Variants in P4HA3 observed in about 807,000 individuals in gnomAD.
P4HA3 encodes the protein prolyl 4-hydroxylase subunit alpha 3.
In P4HA3, 60 loss-of-function variants were observed where a neutral mutation model predicts 66.7. The ratio of observed to expected loss-of-function variants is 0.90; its 90% CI spans 0.73 to 1.12. P4HA3 has a LOEUF of 1.12. Among genes scored for constraint, P4HA3 ranks in the 50% most tolerant of loss-of-function variants. The pLI is 0.00. For synonymous variants in P4HA3, 263 were observed against 274.6 expected (o/e 0.96, Z 0.42); for missense variants, 683 against 685.8 (o/e 1.00, Z 0.05).
At chr11:74,278,197 G>A (rs964516484) in intron 8 of P4HA3, among the ~76,000 whole-genome samples, 2 of 152,198 alleles carry the variant, frequency 1.3e-5, no homozygotes, top group South Asian at 4.1e-4. Context: ...ATTTTGAAGA[G>A]TGCATAAAAT....
intron 1 of P4HA3, among the ~76,000 whole-genome samples, chr11:74,305,100 C>T (rs1861540209): frequency 1.3e-5 from 2 of 152,122 alleles, no homozygotes; most frequent in African/African-American, 4.8e-5. Context: ...TGCTGGGGGG[C>T]CCGCCTCCTA....
intron 15 of P4HA3, chr11:74,251,193 G>A: frequency 6.9e-7 from 1 of 1,450,444 alleles, no homozygotes; most frequent in South Asian, 1.5e-5. Flanking sequence ...TATGGTATTG[G>A]TTTTGTGTAT....
At chr11:74,278,806 C>T (rs1860486921) in intron 8 of P4HA3, among the ~76,000 whole-genome samples, 1 of 152,180 alleles carries the variant, frequency 6.6e-6, no homozygotes, top group African/African-American at 2.4e-5. Flanking sequence ...ACAGCACAAA[C>T]TGATCTCCAT....
intron 7 of P4HA3, chr11:74,285,537 C>A: frequency 2.9e-6 from 1 of 340,144 alleles, no homozygotes; most frequent in Non-Finnish European, 5.4e-6. Flanking sequence ...TGCATACAGC[C>A]ACATGTACCA....
At chr11:74,279,570 TA>T in intron 7 of P4HA3, 118 bp from the exon 8 acceptor site, 1 of 919,448 alleles carries the variant, frequency 1.1e-6, no homozygotes, top group Non-Finnish European at 1.8e-6. Context: ...AGTTCCTCCT[TA>T]ATTAGAGGAC....
intron 15 of P4HA3, among the ~76,000 whole-genome samples, chr11:74,257,560 G>T (rs571205259): frequency 6.6e-6 from 1 of 152,174 alleles, no homozygotes; most frequent in Non-Finnish European, 1.5e-5. Context: ...ACTGTGGCTG[G>T]AGTATGGGCC....
chr11:74,302,451 A>C lies in P4HA3; in HGVS notation c.485T>G (p.Val162Gly). The part of the protein sequence containing the change: ...KGLARGVFQR[V>G]TGSAITDLYS... Reference sequence around the variant, plus strand: ...CAGGTCAGTGATGGCAGAGCCAGTGACTCTCTGAAAGACACCTCGGGCCAG... The same window carrying C: ...CAGGTCAGTGATGGCAGAGCCAGTGCCTCTCTGAAAGACACCTCGGGCCAG... The change falls in exon 3 of 13, where the codon GTC (valine) becomes GGC (glycine). Residue 162 changes from valine (V) to glycine (G), a missense_variant. Coordinates refer to ENST00000331597, the MANE Select transcript of P4HA3 (RefSeq NM_182904.5). 6.2e-7 allele frequency: 1 copy of C among 1,614,012 alleles called. No individual in the cohort carries two copies. The highest frequency in any genetic ancestry group is 1.1e-5 in the South Asian group (1 of 91,070).
At chr11:74,276,195 C>T (rs1860386999) in intron 9 of P4HA3, among the ~76,000 whole-genome samples, 1 of 152,138 alleles carries the variant, frequency 6.6e-6, no homozygotes, top group South Asian at 2.1e-4. Flanking sequence ...AATTACGTGT[C>T]AGGTAAAACA....
At chr11:74,303,198 T>A (rs1400214575) in intron 2 of P4HA3, among the ~76,000 whole-genome samples, 1 of 151,912 alleles carries the variant, frequency 6.6e-6, no homozygotes. Context: ...CAAGTGATCC[T>A]TCCAACTCAA....
At position 74,272,397 on chromosome 11, in the gene P4HA3, G is replaced by A. The variant is rs146043725; in HGVS notation, c.1398+1148C>T. Among the ~76,000 whole-genome samples the A allele has an allele frequency of 2.0e-5, 3 of 152,272 alleles. No homozygotes were observed. The East Asian group carries it at 5.8e-4, about 29-fold the overall frequency. On this transcript the variant is annotated intron_variant, in intron 10 of 12. Coordinates refer to ENST00000331597, the MANE Select transcript of P4HA3 (RefSeq NM_182904.5). ...CTAGATGCCCTGTTTTTTGGCAGCA[G>A]TTCATTCTTTCGCCGTTTGTGACCT...
intron 4 of P4HA3, among the ~76,000 whole-genome samples, chr11:74,290,864 GA>G (rs1219140704): frequency 1.3e-5 from 2 of 152,176 alleles, no homozygotes; most frequent in East Asian, 3.8e-4. Flanking sequence ...AGTATAGTTT[GA>G]AGTCAGGTAG....
chr11:74,269,907 T>C (rs1860133472), intron 10 of P4HA3, among the ~76,000 whole-genome samples, 187 bp from the exon 11 acceptor site: 1 of 152,234 alleles, frequency 6.6e-6, no homozygotes. Flanking sequence ...GGTGTTTGCC[T>C]ACAGGGCCAC....
At chr11:74,257,381 T>TC (rs1859846736) in intron 15 of P4HA3, among the ~76,000 whole-genome samples, 1 of 152,092 alleles carries the variant, frequency 6.6e-6, no homozygotes. Context: ...CGCCTCAGCT[T>TC]CCCAAAGTGC....
At chr11:74,309,820 GCAC>G (rs888462447) in intron 1 of P4HA3, among the ~76,000 whole-genome samples, 113 of 152,294 alleles carry the variant, frequency 7.4e-4, no homozygotes, top group African/African-American at 2.5e-3. Context: ...TTAAGGACAA[GCAC>G]CACATTAGCT....
chr11:74,272,357 G>A (rs1226505780), intron 10 of P4HA3, among the ~76,000 whole-genome samples: 2 of 152,202 alleles, frequency 1.3e-5, no homozygotes, highest in East Asian at 1.9e-4. Context: ...ATAAAGAACA[G>A]AGATATATTG....
chr11:74,287,842 C>A (rs1316432932), intron 5 of P4HA3, among the ~76,000 whole-genome samples: 1 of 152,084 alleles, frequency 6.6e-6, no homozygotes, highest in African/African-American at 2.4e-5. Context: ...CATGGCAGAA[C>A]CCCATCTCTG....
At chr11:74,261,961 T>C (rs376124618), downstream of P4HA3, among the ~76,000 whole-genome samples, 2 of 152,280 alleles carry the variant, frequency 1.3e-5, no homozygotes, top group African/African-American at 4.8e-5. Flanking sequence ...CACAGCGTAA[T>C]TATGGGCAAG....
At chr11:74,284,559 T>G (rs960743832) in intron 7 of P4HA3, among the ~76,000 whole-genome samples, 2 of 152,186 alleles carry the variant, frequency 1.3e-5, no homozygotes, top group African/African-American at 4.8e-5. Flanking sequence ...AATTTAATTA[T>G]AATCATAATT....
At chr11:74,289,445 T>A (rs903880165) in intron 4 of P4HA3, among the ~76,000 whole-genome samples, 9 of 152,168 alleles carry the variant, frequency 5.9e-5, no homozygotes, top group South Asian at 2.1e-4. Flanking sequence ...TTTTTTCTTT[T>A]AATTTTATTA....
Sources: allele counts gnomAD v4.1 joint callset (sites outside exome capture counted in the v4.1 genomes callset), GRCh38; gene constraint gnomAD v4.1.1; transcripts MANE v1.5; gene names NCBI Gene and HGNC (gene_info 2026-07-23, HGNC 2026-07-21).